SHANK2: variants seen among roughly 807,000 people sequenced by gnomAD.
The protein encoded by SHANK2 is SH3 and multiple ankyrin repeat domains 2, also known as SH3 and multiple ankyrin repeat domains protein 2.
A neutral mutation model predicts 133.7 loss-of-function variants in SHANK2; 43 were observed. The ratio of observed to expected loss-of-function variants is 0.32; its 90% CI spans 0.25 to 0.41. The LOEUF is 0.41. Among genes scored for constraint, SHANK2 ranks in the 10% least tolerant of loss-of-function variants. The pLI, the probability that SHANK2 is intolerant of heterozygous loss-of-function variation, is 1.00. For synonymous variants in SHANK2, 1,017 were observed against 952.8 expected, an observed-to-expected ratio of 1.07 and a Z score of -1.24; for missense variants, 1,994 against 2,235.8, an observed-to-expected ratio of 0.89 and a Z score of 2.18.
intron 17 of SHANK2, among the ~76,000 whole-genome samples, chr11:70,628,409 C>T (rs2060933488): frequency 6.6e-6 from 1 of 152,116 alleles, no homozygotes; most frequent in Non-Finnish European, 1.5e-5. Flanking sequence ...ACACATGTGC[C>T]CCCCTCTGTC....
chr11:70,649,809 CTGT>C (rs1555009626), intron 17 of SHANK2, among the ~76,000 whole-genome samples: 1 of 152,234 alleles, frequency 6.6e-6, no homozygotes, highest in African/African-American at 2.4e-5. Flanking sequence ...AAAAAGATGG[CTGT>C]TAAGATTACA....
chr11:70,619,899 G>C (rs1416038760), intron 17 of SHANK2, among the ~76,000 whole-genome samples: 1 of 152,214 alleles, frequency 6.6e-6, no homozygotes, highest in African/African-American at 2.4e-5. Flanking sequence ...GGAGGAGCAC[G>C]TTTGGGGCTC....
chr11:70,492,968 G>T (rs1305254639), intron 21 of SHANK2, among the ~76,000 whole-genome samples: 3 of 151,634 alleles, frequency 2.0e-5, no homozygotes, highest in African/African-American at 4.8e-5. Context: ...GCTAATTTTT[G>T]TATTTTTAGT....
chr11:70,705,288 T>C (rs181387636), intron 14 of SHANK2: 1 of 152,330 alleles, frequency 6.6e-6, no homozygotes, highest in African/African-American at 2.4e-5. Context: ...TGCTTGTTAC[T>C]GCAGCTTCAT....
chr11:70,694,843 A>T (rs1945357712), intron 15 of SHANK2, among the ~76,000 whole-genome samples: 1 of 151,618 alleles, frequency 6.6e-6, no homozygotes, highest in Admixed American at 6.6e-5. Context: ...CTCTCCTTCC[A>T]CACTGCCCGC....
intron 11 of SHANK2, among the ~76,000 whole-genome samples, chr11:70,842,997 C>T (rs577119286): frequency 2.6e-5 from 4 of 152,240 alleles, no homozygotes; most frequent in African/African-American, 7.2e-5. Flanking sequence ...AGGTGTGGCT[C>T]GCATCTGCAC....
Position 71,235,280 on chromosome 11 carries a change from C to T in SHANK2, c.-112-10484G>A, listed in dbSNP as rs146497424. 7.2e-4 allele frequency among the ~76,000 whole-genome samples: 110 copies of T among 152,152 alleles called. 1 individual carries two copies. In the East Asian group the frequency reaches 0.015, roughly 21 times the overall value. On this transcript the variant is annotated intron_variant, in intron 1 of 25. Coordinates refer to ENST00000601538, the MANE Select transcript of SHANK2 (RefSeq NM_012309.5). Reference sequence around the variant, plus strand: ...CCACTAGCTGAGCTCCGGAAGGTACCGGAGATTAAGCTCTATAAAAACTCT... The same window carrying T: ...CCACTAGCTGAGCTCCGGAAGGTACTGGAGATTAAGCTCTATAAAAACTCT...
chr11:70,499,178 T>TA (rs1270551530), intron 21 of SHANK2, among the ~76,000 whole-genome samples: 1 of 152,244 alleles, frequency 6.6e-6, no homozygotes, highest in African/African-American at 2.4e-5. Context: ...CTCATGGCCC[T>TA]AGAGGCAGGG....
At chr11:71,217,708 C>T (rs75875690) in intron 2 of SHANK2, among the ~76,000 whole-genome samples, 2,621 of 152,040 alleles carry the variant, frequency 0.017, 92 homozygotes, top group African/African-American at 0.061. Flanking sequence ...GGATTTGTGT[C>T]TTAGTTTTTA....
chr11:71,148,488 A>G (rs1952699510), intron 2 of SHANK2, among the ~76,000 whole-genome samples: 1 of 152,222 alleles, frequency 6.6e-6, no homozygotes, highest in Non-Finnish European at 1.5e-5. Context: ...GAGTACAGAA[A>G]GGGTTGGATA....
At chr11:70,792,210 A>G (rs1947804615) in intron 14 of SHANK2, among the ~76,000 whole-genome samples, 1 of 151,954 alleles carries the variant, frequency 6.6e-6, no homozygotes, top group South Asian at 2.1e-4. Context: ...CAACCAACCA[A>G]CCAACCAACT....
intron 15 of SHANK2, among the ~76,000 whole-genome samples, chr11:70,676,293 G>A (rs1251490946): frequency 6.6e-6 from 1 of 152,234 alleles, no homozygotes; most frequent in East Asian, 1.9e-4. Flanking sequence ...GGATGGTCAT[G>A]ACCCTATGGA....
At chr11:70,759,718 A>G (rs1418646395) in intron 14 of SHANK2, among the ~76,000 whole-genome samples, 1 of 152,180 alleles carries the variant, frequency 6.6e-6, no homozygotes, top group Non-Finnish European at 1.5e-5. Context: ...CACTTAAATA[A>G]ACGAGTTCTG....
intron 17 of SHANK2, among the ~76,000 whole-genome samples, chr11:70,602,331 T>G (rs1017275865): frequency 2.6e-5 from 4 of 152,236 alleles, no homozygotes; most frequent in African/African-American, 9.6e-5. Flanking sequence ...AAGGGCCTAA[T>G]GCAACTCCCT....
At chr11:71,121,886 C>T (rs1952089916) in intron 3 of SHANK2, among the ~76,000 whole-genome samples, 1 of 152,116 alleles carries the variant, frequency 6.6e-6, no homozygotes, top group African/African-American at 2.4e-5. Context: ...CCAACAGACA[C>T]ATGAAAAAAT....
intron 10 of SHANK2, among the ~76,000 whole-genome samples, chr11:70,953,424 G>A (rs1555087095): frequency 1.3e-5 from 2 of 152,038 alleles, no homozygotes; most frequent in Admixed American, 6.5e-5. Flanking sequence ...GTCCAAGTCC[G>A]AAAGCCTCAA....
intron 15 of SHANK2, among the ~76,000 whole-genome samples, chr11:70,666,886 C>G (rs190913861): frequency 6.6e-6 from 1 of 152,056 alleles, no homozygotes; most frequent in African/African-American, 2.4e-5. Context: ...TGTAATCCAG[C>G]GGCGCACTCC....
intron 17 of SHANK2, among the ~76,000 whole-genome samples, chr11:70,599,911 G>GAA (rs57102264): frequency 0.027 from 1,212 of 44,834 alleles, 35 homozygotes; most frequent in South Asian, 0.11. Context: ...GAAAGAGAAA[G>GAA]AAAGAAAGAA....
intron 9 of SHANK2, among the ~76,000 whole-genome samples, chr11:71,060,803 G>A (rs1003939915): frequency 1.4e-4 from 22 of 152,328 alleles, no homozygotes; most frequent in Non-Finnish European, 1.3e-4. Flanking sequence ...TCAAAACAAC[G>A]TGTGAGTCTG....
Sources: gnomAD v4.1 joint callset for allele counts (sites outside exome capture counted in the v4.1 genomes callset) on GRCh38, gnomAD v4.1.1 for gene constraint, MANE v1.5 for transcripts, NCBI Gene and HGNC (gene_info 2026-07-23, HGNC 2026-07-21) for gene names.